The following MYCBP2 variants were observed in gnomAD, a reference collection of about 807,000 sequenced individuals.
The protein encoded by MYCBP2 is E3 ubiquitin-protein ligase MYCBP2.
Under a neutral mutation model 525.3 loss-of-function variants are expected in MYCBP2, and 120 were observed. The ratio of observed to expected loss-of-function variants is 0.23; its 90% CI spans 0.20 to 0.27. The LOEUF (loss-of-function observed/expected upper bound fraction) is 0.27. MYCBP2 is among the 10% of genes least tolerant of loss of function. The pLI is 1.00. For missense variants in MYCBP2, 4,149 were observed against 5,657.1 expected, an observed-to-expected ratio of 0.73 and a Z score of 8.55; for synonymous variants, 1,894 against 1,955.8, an observed-to-expected ratio of 0.97 and a Z score of 0.83.
intron 21 of MYCBP2, among the ~76,000 whole-genome samples, chr13:77,217,123 C>T (rs2064934789): frequency 6.6e-6 from 1 of 152,182 alleles, no homozygotes; most frequent in Non-Finnish European, 1.5e-5. Flanking sequence ...AGTTTGAAAC[C>T]ATTTTCAAAT....
chr13:77,142,175 G>A (rs757209201), intron 49 of MYCBP2, among the ~76,000 whole-genome samples: 3 of 151,980 alleles, frequency 2.0e-5, no homozygotes, highest in Non-Finnish European at 4.4e-5. Flanking sequence ...TTCTACTTTC[G>A]AATTCCTACT....
intron 5 of MYCBP2, chr13:77,272,419 A>G (rs967195920): frequency 6.6e-6 from 1 of 152,242 alleles, no homozygotes; most frequent in Non-Finnish European, 1.5e-5. Flanking sequence ...AGCAAATCAT[A>G]TCAAAATTCA....
chr13:77,118,477 A>G (rs2050152375), intron 55 of MYCBP2: 3 of 764,916 alleles, frequency 3.9e-6, no homozygotes, highest in Admixed American at 1.7e-5. Context: ...GGAATTCAAT[A>G]TGGCACTCAG....
chr13:77,054,694 G>A (rs768854760), intron 80 of MYCBP2, among the ~76,000 whole-genome samples: 3 of 151,240 alleles, frequency 2.0e-5, no homozygotes, highest in Non-Finnish European at 2.9e-5. Context: ...TCAACCCCCT[G>A]GACTCAAGCG....
At chr13:77,128,875 T>A (rs757457442) in intron 52 of MYCBP2, among the ~76,000 whole-genome samples, 1 of 152,026 alleles carries the variant, frequency 6.6e-6, no homozygotes, top group Non-Finnish European at 1.5e-5. Context: ...CACTGTCACC[T>A]AAATAAGTTA....
intron 5 of MYCBP2, among the ~76,000 whole-genome samples, chr13:77,271,763 T>C (rs899646680): frequency 6.6e-6 from 1 of 152,210 alleles, no homozygotes; most frequent in African/African-American, 2.4e-5. Flanking sequence ...TATAAATCCA[T>C]TAAACCTCTT....
intron 44 of MYCBP2, among the ~76,000 whole-genome samples, chr13:77,158,594 C>T (rs894774712): frequency 2.0e-5 from 3 of 152,178 alleles, no homozygotes; most frequent in Admixed American, 1.3e-4. Flanking sequence ...CAGGCGTATG[C>T]CACCATGGCT....
chr13:77,181,638 C>A, intron 33 of MYCBP2, 63 bp downstream of exon 33: 1 of 1,338,434 alleles, frequency 7.5e-7, no homozygotes, highest in Non-Finnish European at 1.1e-6. Flanking sequence ...ATAAAAGAGG[C>A]AATAAATAAA....
intron 41 of MYCBP2, 40 bp downstream of exon 41, chr13:77,166,289 C>T: frequency 7.2e-7 from 1 of 1,394,380 alleles, no homozygotes; most frequent in Non-Finnish European, 9.9e-7. Flanking sequence ...CATAAATGCA[C>T]TTATTTTACC....
intron 48 of MYCBP2, among the ~76,000 whole-genome samples, chr13:77,144,964 A>G (rs1008453469): frequency 2.6e-5 from 4 of 152,160 alleles, no homozygotes; most frequent in African/African-American, 9.7e-5. Flanking sequence ...TTATGCTGCA[A>G]TCACCTTGTT....
At chr13:77,093,389 T>C in intron 58 of MYCBP2, 57 bp from the exon 59 acceptor site, 1 of 1,448,794 alleles carries the variant, frequency 6.9e-7, no homozygotes, top group Admixed American at 1.9e-5. Flanking sequence ...ATCCTCTCCA[T>C]TTTTAATCTC....
intron 19 of MYCBP2, 33 bp from the exon 20 acceptor site, chr13:77,224,565 T>TC: frequency 7.7e-7 from 1 of 1,302,948 alleles, no homozygotes. Flanking sequence ...TATTTTTTCA[T>TC]TATATGCATT....
chr13:77,125,600 G>A, intron 53 of MYCBP2, 132 bp from the exon 54 acceptor site: 1 of 987,728 alleles, frequency 1.0e-6, no homozygotes, highest in Admixed American at 2.6e-5. Context: ...ATTAGTTTCT[G>A]AAATTAAGGC....
chr13:77,246,838 G>A (rs1003928558), intron 15 of MYCBP2, among the ~76,000 whole-genome samples: 2 of 152,096 alleles, frequency 1.3e-5, no homozygotes, highest in African/African-American at 2.4e-5. Flanking sequence ...TCCATGTAAT[G>A]TAACACATTA....
chr13:77,234,521 G>A (rs2067601505), intron 17 of MYCBP2, among the ~76,000 whole-genome samples: 1 of 151,834 alleles, frequency 6.6e-6, no homozygotes, highest in Admixed American at 6.6e-5. Context: ...AAACAAAAAT[G>A]CAAATACCTC....
intron 17 of MYCBP2, among the ~76,000 whole-genome samples, chr13:77,238,640 A>G (rs1320255776): frequency 6.6e-6 from 1 of 152,246 alleles, no homozygotes; most frequent in Non-Finnish European, 1.5e-5. Context: ...CTAAAAAGAT[A>G]AATTAAAAAA....
chr13:77,055,559 T>C lies in MYCBP2; in HGVS notation c.13646A>G (p.Lys4549Arg), dbSNP rs1207800544. 2 of 1,612,954 alleles carry C rather than the reference T, an allele frequency of 1.2e-6. No homozygotes were observed. The highest frequency in any genetic ancestry group is 1.6e-4 in the Middle Eastern group (1 of 6,080). Residue 4549 changes from lysine (K) to arginine (R), a missense_variant and splice_region_variant, in exon 80 of 83, where the codon AAG becomes AGG. Coordinates refer to ENST00000544440, the MANE Select transcript of MYCBP2 (RefSeq NM_015057.5). Reference protein sequence around the residue: ...YAYYVCYKCRKAYFGGEARCD... With the variant: ...YAYYVCYKCRRAYFGGEARCD... ...TTCTCAGTATAATTTATAGCATACC[T>C]TTCTGCATTTGTAGCACACATAATA...
chr13:77,283,624 CG>C lies in MYCBP2; in HGVS notation c.594+4536del, dbSNP rs1352648578. Among the ~76,000 whole-genome samples the C allele has an allele frequency of 1.3e-5, 2 of 152,272 alleles. 1 individual carries two copies. The highest frequency in any genetic ancestry group is 3.9e-4 in the East Asian group (2 of 5,186). On this transcript the variant is annotated intron_variant, in intron 3 of 82. Coordinates refer to ENST00000544440, the MANE Select transcript of MYCBP2 (RefSeq NM_015057.5). ...CTATTTAAAAATTATGCACCAGGCA[CG>C]GTGACTCCTGCCTGTAATCCCAGTA...
chr13:77,145,668 CTATTT>C (rs2055415886), intron 48 of MYCBP2, among the ~76,000 whole-genome samples: 1 of 151,970 alleles, frequency 6.6e-6, no homozygotes, highest in African/African-American at 2.4e-5. Context: ...TTCCAAGTTT[CTATTT>C]TAAGTAGTAC....
Sources: gnomAD v4.1 joint callset for allele counts (sites outside exome capture counted in the v4.1 genomes callset) on GRCh38, gnomAD v4.1.1 for gene constraint, MANE v1.5 for transcripts, NCBI Gene and HGNC (gene_info 2026-07-23, HGNC 2026-07-21) for gene names.